Variants in TMEM154 observed in about 807,000 individuals in gnomAD.
TMEM154 encodes transmembrane protein 154.
In TMEM154, 27 loss-of-function variants were observed where a neutral mutation model predicts 24.5. The ratio of observed to expected loss-of-function variants is 1.10; its 90% CI spans 0.81 to 1.52. The LOEUF (loss-of-function observed/expected upper bound fraction) is 1.52, where lower values mean the gene tolerates loss of function less well. Among genes scored for constraint, TMEM154 ranks in the 40% most tolerant of loss-of-function variants. TMEM154 has a pLI of 0.00. For missense variants in TMEM154, 228 were observed against 213.4 expected (o/e 1.07, Z -0.43); for synonymous variants, 67 against 76.8 (o/e 0.87, Z 0.67).
chr4:152,655,154 T>C (rs868566940), intron 1 of TMEM154, among the ~76,000 whole-genome samples: 22 of 152,330 alleles, frequency 1.4e-4, no homozygotes, highest in African/African-American at 5.1e-4. Flanking sequence ...CATTTTGAAT[T>C]GATCATTTAA....
rs1751825033 is a variant in TMEM154, at chr4:152,620,357, G to T, written c.*8189C>A. 6.6e-6 allele frequency: 1 copy of T among 152,046 alleles called. No individual in the cohort carries two copies. The highest frequency in any genetic ancestry group is 1.5e-5 in the Non-Finnish European group (1 of 68,022). 9.4% of individuals were successfully genotyped at this position (152,046 alleles called of 1,614,324 possible). On this transcript the variant is annotated 3_prime_UTR_variant, in exon 7 of 7. Transcript: ENST00000304385. ...CTTATCACCCCTATTCTAAGCCCTG[G>T]CTTTTTTCTCAGCATGATAGACCAT...
chr4:152,646,933 C>G, intron 3 of TMEM154: 1 of 702,744 alleles, frequency 1.4e-6, no homozygotes. Flanking sequence ...GCTGTTTTCC[C>G]TGCAGCTCTT....
At chr4:152,661,892 A>G (rs541328572) in intron 1 of TMEM154, among the ~76,000 whole-genome samples, 2 of 152,314 alleles carry the variant, frequency 1.3e-5, no homozygotes, top group South Asian at 4.2e-4. Context: ...CCTTTGAGAG[A>G]AACTCTATGC....
At chr4:152,674,817 G>A (rs555499903) in intron 1 of TMEM154, among the ~76,000 whole-genome samples, 6 of 152,182 alleles carry the variant, frequency 3.9e-5, no homozygotes, top group South Asian at 4.2e-4. Flanking sequence ...AGCCATCCTC[G>A]GTGTACCAGG....
chr4:152,644,487 G>A (rs2149781387), intron 3 of TMEM154, 45 bp from the exon 4 acceptor site: 1 of 1,601,336 alleles, frequency 6.2e-7, no homozygotes, highest in Non-Finnish European at 8.6e-7. Flanking sequence ...TTGTTCTTCT[G>A]TAACAACTTT....
chr4:152,623,326 CAT>C lies in TMEM154; in HGVS notation c.*5218_*5219del, dbSNP rs775509000. 7.9e-5 allele frequency: 12 copies of C among 151,914 alleles called. No homozygotes were observed. The highest frequency in any genetic ancestry group is 3.4e-3 in the Middle Eastern group (1 of 292). 9.4% of individuals were successfully genotyped at this position (151,914 alleles called of 1,614,324 possible). ...CAGTTAACTTTAAATACAAGATACA[CAT>C]GTGTTAAATTATTACTAATCTACCA... is the stretch of plus-strand genomic sequence containing the variant. On this transcript the variant is annotated 3_prime_UTR_variant, in exon 7 of 7. Transcript: ENST00000304385.
At chr4:152,660,030 C>A (rs1201177623) in intron 1 of TMEM154, among the ~76,000 whole-genome samples, 1 of 149,472 alleles carries the variant, frequency 6.7e-6, no homozygotes. Context: ...CCACGAAAAA[C>A]GAAACTGTGG....
At chr4:152,675,210 G>A (rs2149791910) in intron 1 of TMEM154, among the ~76,000 whole-genome samples, 1 of 144,930 alleles carries the variant, frequency 6.9e-6, no homozygotes, top group Admixed American at 7.0e-5. Context: ...CAAGCGGCAA[G>A]ATTATGTCTA....
intron 1 of TMEM154, among the ~76,000 whole-genome samples, chr4:152,661,333 TCTCTC>T (rs1728605664): frequency 7.5e-5 from 9 of 120,288 alleles, no homozygotes; most frequent in African/African-American, 1.2e-4. Flanking sequence ...TCTCTCTCTC[TCTCTC>T]TCTCCCCCCA....
At chr4:152,631,792 CCTTTTTTTTTTTTTT>C (rs1752048196) in intron 6 of TMEM154, among the ~76,000 whole-genome samples, 3 of 131,462 alleles carry the variant, frequency 2.3e-5, no homozygotes, top group Non-Finnish European at 4.7e-5. Context: ...AATCTATCCC[CCTTTTTTTTTTTTTT>C]TTTTTTTTTT....
At chr4:152,634,285 T>A (rs980424842) in intron 6 of TMEM154, among the ~76,000 whole-genome samples, 1 of 152,202 alleles carries the variant, frequency 6.6e-6, no homozygotes, top group Admixed American at 6.5e-5. Flanking sequence ...CCAGTCTATC[T>A]TGTAACAATC....
intron 6 of TMEM154, 129 bp from the exon 7 acceptor site, chr4:152,628,690 G>T (rs1481503022): frequency 3.4e-6 from 4 of 1,179,306 alleles, no homozygotes; most frequent in Middle Eastern, 3.1e-4. Context: ...AGGCTGGAGC[G>T]CAGTGGCACA....
At chr4:152,637,752 G>C (rs1036567282) in intron 6 of TMEM154, among the ~76,000 whole-genome samples, 3 of 152,116 alleles carry the variant, frequency 2.0e-5, no homozygotes, top group African/African-American at 7.2e-5. Context: ...TAAGTCCAAT[G>C]ACCCACAAAT....
rs1002618692 is a variant in TMEM154 at position 152,623,060 on chromosome 4, T to G, written c.*5486A>C. The G allele has an allele frequency of 3.3e-5, 5 of 152,242 alleles. No individual in the cohort carries two copies. The highest frequency in any genetic ancestry group is 7.3e-5 in the Non-Finnish European group (5 of 68,076). The allele number at this position is 152,242 out of a possible 1,614,324, so 9.4% of individuals were successfully genotyped here. On this transcript the variant is annotated 3_prime_UTR_variant, in exon 7 of 7. Coordinates refer to ENST00000304385, the MANE Select transcript of TMEM154 (RefSeq NM_152680.3). ...CATGTTGGCCAGGCTGGTCTCAAAC[T>G]CCCGAGCTCAGGCAATCCACCAGCC... is the stretch of plus-strand genomic sequence containing the variant.
At position 152,624,236 on chromosome 4, in the gene TMEM154, C is replaced by G. The variant is rs996714077; in HGVS notation, c.*4310G>C. Reference sequence around the variant, plus strand: ...CTATTTTACATAATTGTATATACTGCTATCTCAGGAACATGATATGTTATT... The same window carrying G: ...CTATTTTACATAATTGTATATACTGGTATCTCAGGAACATGATATGTTATT... On this transcript the variant is annotated 3_prime_UTR_variant, in exon 7 of 7. Coordinates refer to ENST00000304385, the MANE Select transcript of TMEM154 (RefSeq NM_152680.3). The G allele has an allele frequency of 2.0e-5, 3 of 152,072 alleles. No individual in the cohort carries two copies. Among genetic ancestry groups the G allele is most frequent in the Non-Finnish European group, 4.4e-5 (3 of 68,018 alleles). The allele number at this position is 152,072 out of a possible 1,614,324, so 9.4% of individuals were successfully genotyped here. A position where few individuals can be genotyped will look rare whatever the true frequency, so the allele number is the denominator to read the frequency against.
chr4:152,665,385 C>T (rs945729769), intron 1 of TMEM154, among the ~76,000 whole-genome samples: 6 of 152,106 alleles, frequency 3.9e-5, no homozygotes, highest in East Asian at 1.9e-4. Context: ...CTATGGTCCT[C>T]GGTGAATTTG....
chr4:152,650,656 A>T (rs1418624652), intron 3 of TMEM154, among the ~76,000 whole-genome samples: 1 of 152,188 alleles, frequency 6.6e-6, no homozygotes, highest in East Asian at 1.9e-4. Flanking sequence ...TAGAATGGTG[A>T]ATTCTTCCCA....
intron 5 of TMEM154, 113 bp downstream of exon 5, chr4:152,642,975 T>C (rs1157325497): frequency 1.4e-5 from 11 of 770,346 alleles, no homozygotes; most frequent in Non-Finnish European, 2.2e-5. Flanking sequence ...AGATCTAATG[T>C]GGGATTGGGT....
Position 152,627,254 on chromosome 4 carries a change from C to G in TMEM154, c.*1292G>C, listed in dbSNP as rs1751937007. 6.6e-6 allele frequency: 1 copy of G among 152,192 alleles called. No homozygotes were observed. The highest frequency in any genetic ancestry group is 2.4e-5 in the African/African-American group (1 of 41,444). 9.4% of individuals were successfully genotyped at this position (152,192 alleles called of 1,614,324 possible). ...AAGCACAAGACACAAAATTGAGCAG[C>G]AAATGTTTGGGTAGTCCCATCTCCC... On this transcript the variant is annotated 3_prime_UTR_variant, in exon 7 of 7. Coordinates refer to ENST00000304385, the MANE Select transcript of TMEM154 (RefSeq NM_152680.3).
Sources: gnomAD v4.1 joint callset for allele counts (sites outside exome capture counted in the v4.1 genomes callset) on GRCh38, gnomAD v4.1.1 for gene constraint, MANE v1.5 for transcripts, NCBI Gene and HGNC (gene_info 2026-07-23, HGNC 2026-07-21) for gene names.